SBF2: variants seen among roughly 807,000 people sequenced by gnomAD.
The protein encoded by SBF2 is SET binding factor 2.
Under a neutral mutation model 225.2 loss-of-function variants are expected in SBF2, and 112 were observed. The ratio of observed to expected loss-of-function variants is 0.50; its 90% CI spans 0.43 to 0.58. The LOEUF (loss-of-function observed/expected upper bound fraction) is 0.58, where lower values mean the gene tolerates loss of function less well. SBF2 is among the 20% of genes least tolerant of loss of function. The probability of loss-of-function intolerance (pLI) is 0.00; values close to 1 mark genes in which losing one functional copy is unlikely to be tolerated. For missense variants in SBF2, 1,996 were observed against 2,206.2 expected (o/e 0.90, Z 1.91); for synonymous variants, 763 against 773.3 (o/e 0.99, Z 0.22).
At chr11:9,870,831 G>A (rs1405092870) in intron 17 of SBF2, among the ~76,000 whole-genome samples, 1 of 152,020 alleles carries the variant, frequency 6.6e-6, no homozygotes, top group Admixed American at 6.6e-5. Context: ...AAAATTAGCT[G>A]GGTGTGGTGG....
chr11:10,084,150 C>A (rs544729655), intron 2 of SBF2, among the ~76,000 whole-genome samples: 1 of 151,718 alleles, frequency 6.6e-6, no homozygotes, highest in Non-Finnish European at 1.5e-5. Context: ...AAACTAAGAA[C>A]AAAACAAAAC....
intron 16 of SBF2, among the ~76,000 whole-genome samples, chr11:9,947,456 T>G (rs1865629505): frequency 6.6e-6 from 1 of 152,212 alleles, no homozygotes. Context: ...GTTCACAACC[T>G]CACAGGTCTT....
chr11:10,259,053 T>A (rs915041783), intron 1 of SBF2, among the ~76,000 whole-genome samples: 2 of 152,182 alleles, frequency 1.3e-5, no homozygotes, highest in African/African-American at 4.8e-5. Flanking sequence ...TTCTATGAGA[T>A]CTTTATTGTA....
intron 1 of SBF2, among the ~76,000 whole-genome samples, chr11:10,199,406 T>C (rs977374895): frequency 3.3e-5 from 5 of 151,788 alleles, no homozygotes; most frequent in Non-Finnish European, 4.4e-5. Context: ...ACTTGTGAGA[T>C]TACCAAAATG....
chr11:10,189,641 C>G lies in SBF2; in HGVS notation c.141+4261G>C, dbSNP rs562966843. 1.1e-4 allele frequency among the ~76,000 whole-genome samples: 16 copies of G among 152,246 alleles called. No homozygotes were observed. The East Asian group carries it at 2.7e-3, about 26-fold the overall frequency. On this transcript the variant is annotated intron_variant, in intron 2 of 39. Coordinates refer to ENST00000256190, the MANE Select transcript of SBF2 (RefSeq NM_030962.4). Reference sequence around the variant, plus strand: ...AATTGCTAGTGTATAATTTAAATAACAGAACCAATTTCGTAAGAACATTAA... The same window carrying G: ...AATTGCTAGTGTATAATTTAAATAAGAGAACCAATTTCGTAAGAACATTAA...
chr11:9,916,075 A>G (rs1039042893), intron 16 of SBF2, among the ~76,000 whole-genome samples: 6 of 152,216 alleles, frequency 3.9e-5, no homozygotes, highest in Non-Finnish European at 8.8e-5. Flanking sequence ...AAAAACAGAC[A>G]AACAAAAAAA....
intron 16 of SBF2, among the ~76,000 whole-genome samples, chr11:9,950,368 C>T (rs12574585): frequency 1.3e-5 from 2 of 152,066 alleles, no homozygotes; most frequent in East Asian, 1.9e-4. Flanking sequence ...TGATCTCCCC[C>T]CTTCCCAAAC....
In SBF2 at chr11:10,175,176, G is replaced by A. The variant is rs1320833808; in HGVS notation, c.141+18726C>T. On this transcript the variant is annotated intron_variant, in intron 2 of 39. Coordinates refer to ENST00000256190, the MANE Select transcript of SBF2 (RefSeq NM_030962.4). ...ACACATAACAATATTAACTTTAAAT[G>A]TAAATGGACTAAATGCTCCAATTAA... is the stretch of plus-strand genomic sequence containing the variant. 3.6e-4 allele frequency among the ~76,000 whole-genome samples: 54 copies of A among 150,482 alleles called. 1 individual carries two copies. Among genetic ancestry groups the A allele is most frequent in the Non-Finnish European group, 5.8e-4 (39 of 67,208 alleles).
chr11:10,192,935 A>G (rs777072312), intron 2 of SBF2, among the ~76,000 whole-genome samples: 3 of 152,224 alleles, frequency 2.0e-5, no homozygotes, highest in Non-Finnish European at 4.4e-5. Context: ...GTACTTTAGT[A>G]ATCACCTTTC....
At chr11:10,037,854 G>A (rs1720538681) in intron 3 of SBF2, among the ~76,000 whole-genome samples, 1 of 151,958 alleles carries the variant, frequency 6.6e-6, no homozygotes, top group South Asian at 2.1e-4. Flanking sequence ...TTTCTCCACT[G>A]TTTTATACCA....
intron 16 of SBF2, among the ~76,000 whole-genome samples, chr11:9,948,886 T>C (rs907298189): frequency 1.3e-5 from 2 of 152,200 alleles, no homozygotes; most frequent in East Asian, 3.8e-4. Context: ...TTACCCTCAA[T>C]AGATTTACTT....
rs1410469477 is a variant in SBF2 at position 9,971,088 on chromosome 11, T to G, written c.1396-2543A>C. ...TTCTCTAAAACATATTGGGTAGGTA[T>G]CTTTTTTTTCAGGCTGGCCAGGTAA... On this transcript the variant is annotated intron_variant, in intron 13 of 39. Coordinates refer to ENST00000256190, the MANE Select transcript of SBF2 (RefSeq NM_030962.4). Among the ~76,000 whole-genome samples the G allele has an allele frequency of 2.0e-5, 3 of 152,150 alleles. No individual in the cohort carries two copies. In the East Asian group the frequency reaches 5.8e-4, roughly 29 times the overall value.
intron 2 of SBF2, among the ~76,000 whole-genome samples, chr11:10,152,451 A>G (rs1955251270): frequency 6.6e-6 from 1 of 152,022 alleles, no homozygotes; most frequent in Non-Finnish European, 1.5e-5. Flanking sequence ...CGGGAGGCTG[A>G]GGCAGGAGAA....
At chr11:9,843,706 G>T (rs1856333861) in intron 24 of SBF2, 1 of 150,804 alleles carries the variant, frequency 6.6e-6, no homozygotes, top group African/African-American at 2.4e-5. Flanking sequence ...AAACCTGAAG[G>T]TTATGAAACA....
At chr11:9,954,693 C>G (rs955319183) in intron 16 of SBF2, among the ~76,000 whole-genome samples, 7 of 151,602 alleles carry the variant, frequency 4.6e-5, no homozygotes, top group Admixed American at 4.6e-4. Flanking sequence ...AAAACAAAAA[C>G]AAAAACAAAA....
chr11:9,943,492 T>C (rs1865399506), intron 16 of SBF2, among the ~76,000 whole-genome samples: 1 of 151,924 alleles, frequency 6.6e-6, no homozygotes, highest in Non-Finnish European at 1.5e-5. Flanking sequence ...ATCAAAGGAC[T>C]GGTATTCAGA....
At chr11:9,981,274 G>C (rs1946945556) in intron 13 of SBF2, among the ~76,000 whole-genome samples, 2 of 152,070 alleles carry the variant, frequency 1.3e-5, no homozygotes, top group African/African-American at 2.4e-5. Context: ...ATTAAAGCTG[G>C]CAACAATAGA....
At chr11:10,261,798 C>A (rs996980432) in intron 1 of SBF2, among the ~76,000 whole-genome samples, 1 of 152,124 alleles carries the variant, frequency 6.6e-6, no homozygotes, top group African/African-American at 2.4e-5. Flanking sequence ...AAAAAGGGAA[C>A]AAACTTCTAA....
At chr11:10,231,604 C>A (rs985428786) in intron 1 of SBF2, among the ~76,000 whole-genome samples, 4 of 152,200 alleles carry the variant, frequency 2.6e-5, no homozygotes, top group Non-Finnish European at 4.4e-5. Flanking sequence ...GTATCAGCAG[C>A]GGTGGCTGCA....
Sources: gnomAD v4.1 joint callset for allele counts (sites outside exome capture counted in the v4.1 genomes callset) on GRCh38, gnomAD v4.1.1 for gene constraint, MANE v1.5 for transcripts, NCBI Gene and HGNC (gene_info 2026-07-23, HGNC 2026-07-21) for gene names.